GLB1: variants seen among roughly 807,000 people sequenced by gnomAD.
GLB1 encodes beta-galactosidase.
In GLB1, 56 loss-of-function variants were observed where a neutral mutation model predicts 74.0. That is an observed-to-expected ratio of 0.76 (90% CI 0.61 to 0.94). GLB1 has a LOEUF of 0.94. Ranked by LOEUF, GLB1 falls within the 40% of genes least tolerant of loss-of-function variation. The pLI is 0.00. For synonymous variants in GLB1, 323 were observed against 323.6 expected (o/e 1.00, Z 0.02); for missense variants, 787 against 845.5 (o/e 0.93, Z 0.86).
Position 33,093,243 on chromosome 3 carries a change from C to T in GLB1, c.75+3768G>A, listed in dbSNP as rs780776123. On this transcript the variant is annotated intron_variant, in intron 1 of 15. Coordinates refer to ENST00000307363, the MANE Select transcript of GLB1 (RefSeq NM_000404.4). The surrounding 1 kb of genome is among the most constrained non-coding windows in gnomAD (Gnocchi z 6.0). ...CTCATCCTCACTCCCACTGCCACTGCCACCACCACCACGTTGGGCCCGTGT... is the reference window on the plus strand; with the variant it reads ...CTCATCCTCACTCCCACTGCCACTGTCACCACCACCACGTTGGGCCCGTGT... The T allele has an allele frequency of 6.2e-6, 10 of 1,613,792 alleles. No homozygotes were observed. The highest frequency in any genetic ancestry group is 8.5e-6 in the Non-Finnish European group (10 of 1,179,908).
rs1701069638 is a variant in GLB1, at chr3:33,097,124, C to T, written c.-39G>A. The T allele has an allele frequency of 1.2e-6, 2 of 1,607,068 alleles. No individual in the cohort carries two copies. The highest frequency in any genetic ancestry group is 1.1e-5 in the South Asian group (1 of 90,222). On this transcript the variant is annotated 5_prime_UTR_variant, in exon 1 of 16. Coordinates refer to ENST00000307363, the MANE Select transcript of GLB1 (RefSeq NM_000404.4). ...CCGGCTCTGCAGTCGGCGCCCAGGC[C>T]GGCCGCTTCGCGTCACTTGACTAAG...
downstream of GLB1, among the ~76,000 whole-genome samples, chr3:32,995,229 T>C (rs1332341200): frequency 1.3e-5 from 2 of 152,136 alleles, no homozygotes; most frequent in Non-Finnish European, 1.5e-5. Flanking sequence ...TCGTGCCTTC[T>C]GGAGATTCTC....
intron 1 of GLB1, among the ~76,000 whole-genome samples, chr3:33,081,302 G>A (rs1700313521): frequency 6.6e-6 from 1 of 152,196 alleles, no homozygotes; most frequent in South Asian, 2.1e-4. Flanking sequence ...GCCGGATATG[G>A]GGAAGTTACT....
At chr3:32,975,531 A>G in the GLB1 span, among the ~76,000 whole-genome samples, 2 of 152,220 alleles carry the variant, frequency 1.3e-5, no homozygotes, top group African/African-American at 4.8e-5. Flanking sequence ...GGACATCAAC[A>G]ATACCCAGTA....
chr3:32,984,799 G>T, the GLB1 span, among the ~76,000 whole-genome samples: 1 of 151,946 alleles, frequency 6.6e-6, no homozygotes. Flanking sequence ...AAATTTAGCT[G>T]GGTGTGGTGG....
intron 1 of GLB1, among the ~76,000 whole-genome samples, chr3:33,074,456 T>TA (rs1300519902): frequency 6.6e-6 from 1 of 151,910 alleles, no homozygotes; most frequent in South Asian, 2.1e-4. Flanking sequence ...TTGTTATATA[T>TA]ACATATGTGG....
At chr3:32,979,638 C>A in the GLB1 span, among the ~76,000 whole-genome samples, 1 of 151,272 alleles carries the variant, frequency 6.6e-6, no homozygotes, top group Admixed American at 6.6e-5. Context: ...GGATTTCTTG[C>A]GAATAAGACT....
intron 1 of GLB1, among the ~76,000 whole-genome samples, chr3:33,090,261 A>G (rs1700691510): frequency 6.6e-6 from 1 of 152,214 alleles, no homozygotes; most frequent in African/African-American, 2.4e-5. Flanking sequence ...ACCTTAATAT[A>G]CTCCAGCCAA....
chr3:33,007,945 T>C (rs11715310), intron 15 of GLB1, among the ~76,000 whole-genome samples: 32,320 of 152,160 alleles, frequency 0.21, 3,766 homozygotes, highest in Admixed American at 0.3. Flanking sequence ...CTGTACCTCG[T>C]ACAAGTTACT....
intron 10 of GLB1, among the ~76,000 whole-genome samples, chr3:33,033,501 G>A (rs1698140693): frequency 6.6e-6 from 1 of 152,148 alleles, no homozygotes; most frequent in African/African-American, 2.4e-5. Context: ...GGTGATAAGA[G>A]GCTAGGCGGG....
chr3:32,996,912 A>T lies in GLB1; in HGVS notation c.*133T>A. ...GCTTTGGCACTGCAGGGATGCAGGG[A>T]AACCTCAGGTGAAAATGCACATCCT... On this transcript the variant is annotated 3_prime_UTR_variant, in exon 16 of 16. Coordinates refer to ENST00000307363, the MANE Select transcript of GLB1 (RefSeq NM_000404.4). The T allele has an allele frequency of 6.5e-7, 1 of 1,550,198 alleles. No homozygotes were observed. The highest frequency in any genetic ancestry group is 8.8e-7 in the Non-Finnish European group (1 of 1,140,250).
the GLB1 span, among the ~76,000 whole-genome samples, chr3:32,962,065 G>A: frequency 2.6e-5 from 4 of 152,090 alleles, no homozygotes; most frequent in African/African-American, 7.3e-5. Context: ...ATGGTGGTGC[G>A]TGCTGGTAGT....
chr3:33,018,390 A>AGGCTGCTC (rs1014108347), intron 13 of GLB1, 58 bp downstream of exon 13: 2 of 1,520,620 alleles, frequency 1.3e-6, no homozygotes, highest in African/African-American at 2.8e-5. Context: ...TAACAAGTGC[A>AGGCTGCTC]GGCTGCTCAT....
At chr3:33,030,823 A>G in intron 10 of GLB1, 1 of 985,446 alleles carries the variant, frequency 1.0e-6, no homozygotes, top group Non-Finnish European at 1.2e-6. Context: ...TATAAAGAAC[A>G]GAAACAAAAC....
At chr3:32,983,393 A>T in the GLB1 span, among the ~76,000 whole-genome samples, 38 of 152,138 alleles carry the variant, frequency 2.5e-4, no homozygotes, top group African/African-American at 8.4e-4. Context: ...TCCCAAACCC[A>T]TATGTTGTGT....
chr3:33,005,901 G>A (rs540697478), intron 15 of GLB1, among the ~76,000 whole-genome samples: 7 of 152,174 alleles, frequency 4.6e-5, no homozygotes, highest in African/African-American at 1.7e-4. Context: ...CTTGAAGGTG[G>A]GACAATTTAT....
intron 5 of GLB1, among the ~76,000 whole-genome samples, chr3:33,058,837 TAAG>T (rs34190372): frequency 0.23 from 34,817 of 152,080 alleles, 5,596 homozygotes; most frequent in East Asian, 0.82. Flanking sequence ...TCCATGGCAA[TAAG>T]AAGAAGGGTG....
At chr3:32,969,478 C>G in the GLB1 span, among the ~76,000 whole-genome samples, 1 of 152,290 alleles carries the variant, frequency 6.6e-6, no homozygotes, top group East Asian at 1.9e-4. Flanking sequence ...CACCAAAAAG[C>G]AAGAACACTA....
chr3:33,000,987 A>G (rs1696536292), intron 15 of GLB1, among the ~76,000 whole-genome samples: 1 of 152,142 alleles, frequency 6.6e-6, no homozygotes, highest in African/African-American at 2.4e-5. Context: ...CAAAGTGAAA[A>G]TAGGATTCTT....
Sources: gnomAD v4.1 joint callset for allele counts (sites outside exome capture counted in the v4.1 genomes callset) on GRCh38, gnomAD v4.1.1 for gene constraint, Gnocchi (gnomAD v3.1) non-coding constraint, MANE v1.5 for transcripts, NCBI Gene and HGNC (gene_info 2026-07-23, HGNC 2026-07-21) for gene names.